Variants in FNDC3B observed in about 807,000 individuals in gnomAD.
FNDC3B encodes the protein fibronectin type III domain containing 3B, also known as fibronectin type III domain-containing protein 3B.
A neutral mutation model predicts 151.5 loss-of-function variants in FNDC3B; 12 were observed. The observed-to-expected ratio is 0.08, with a 90% CI of 0.05 to 0.13. FNDC3B has a LOEUF of 0.13. FNDC3B is among the 10% of genes least tolerant of loss of function. The probability of loss-of-function intolerance (pLI) is 1.00; values close to 1 mark genes in which losing one functional copy is unlikely to be tolerated. For synonymous variants in FNDC3B, 528 were observed against 549.0 expected (o/e 0.96, Z 0.54); for missense variants, 1,214 against 1,505.3 (o/e 0.81, Z 3.20).
intron 1 of FNDC3B, among the ~76,000 whole-genome samples, chr3:172,090,789 C>T (rs1718785045): frequency 6.6e-6 from 1 of 152,014 alleles, no homozygotes; most frequent in African/African-American, 2.4e-5. Flanking sequence ...AATTCCACAC[C>T]CAACCTTGTG....
At chr3:172,381,140 T>A (rs1735415752) in intron 25 of FNDC3B, 47 bp downstream of exon 25, 1 of 1,605,116 alleles carries the variant, frequency 6.2e-7, no homozygotes, top group African/African-American at 1.3e-5. Context: ...TATGGCTGGC[T>A]CCATGCCTCT....
chr3:172,349,544 G>C (rs989623773), intron 21 of FNDC3B, among the ~76,000 whole-genome samples: 1 of 152,212 alleles, frequency 6.6e-6, no homozygotes, highest in Non-Finnish European at 1.5e-5. Context: ...AGCCAAGCTA[G>C]TTAAAAAGAA....
intron 1 of FNDC3B, among the ~76,000 whole-genome samples, chr3:172,093,510 G>A (rs1201321498): frequency 6.6e-6 from 1 of 152,034 alleles, no homozygotes; most frequent in African/African-American, 2.4e-5. Flanking sequence ...CGCCCGCCTT[G>A]GCCTCCCAAA....
chr3:172,062,840 T>G lies in FNDC3B; in HGVS notation c.-29+23069T>G, dbSNP rs566834621. 5.3e-4 allele frequency among the ~76,000 whole-genome samples: 81 copies of G among 152,300 alleles called. 1 individual carries two copies. The highest frequency in any genetic ancestry group is 1.9e-3 in the African/African-American group (80 of 41,570). On this transcript the variant is annotated intron_variant, in intron 1 of 25. Coordinates refer to ENST00000415807, the MANE Select transcript of FNDC3B (RefSeq NM_022763.4). ...AGCCCGTATATCACTGAGAAAAAGT[T>G]AATCTTAAGTGAATAACTTAGGTCA...
At chr3:172,239,783 A>G (rs1034618584) in intron 4 of FNDC3B, among the ~76,000 whole-genome samples, 1 of 149,696 alleles carries the variant, frequency 6.7e-6, no homozygotes, top group African/African-American at 2.4e-5. Context: ...GACAAAAAAA[A>G]AAAAAAAGAA....
At chr3:172,256,785 T>TA (rs1728365280) in intron 6 of FNDC3B, among the ~76,000 whole-genome samples, 2 of 152,078 alleles carry the variant, frequency 1.3e-5, no homozygotes, top group African/African-American at 4.8e-5. Context: ...GAATTTAGAG[T>TA]AAAAAACAAA....
intron 3 of FNDC3B, among the ~76,000 whole-genome samples, chr3:172,194,725 C>T (rs961405268): frequency 6.6e-6 from 1 of 152,168 alleles, no homozygotes; most frequent in Non-Finnish European, 1.5e-5. Flanking sequence ...TACTTAATTT[C>T]AGAGGTGAAT....
intron 15 of FNDC3B, 46 bp downstream of exon 15, chr3:172,335,128 T>A: frequency 6.6e-7 from 1 of 1,509,436 alleles, no homozygotes; most frequent in South Asian, 1.3e-5. Flanking sequence ...TTTTTTCTTT[T>A]GATAGATTTT....
intron 3 of FNDC3B, among the ~76,000 whole-genome samples, chr3:172,225,243 G>A (rs1227896465): frequency 6.6e-6 from 1 of 152,168 alleles, no homozygotes; most frequent in Non-Finnish European, 1.5e-5. Flanking sequence ...GCTTGATCTT[G>A]ACTCACTGCA....
intron 3 of FNDC3B, among the ~76,000 whole-genome samples, chr3:172,207,756 C>T (rs549984498): frequency 5.3e-5 from 8 of 152,076 alleles, no homozygotes; most frequent in African/African-American, 1.4e-4. Flanking sequence ...AAAACCAGCC[C>T]GACCAACATG....
At chr3:172,316,482 G>T (rs1321859524) in intron 11 of FNDC3B, 2 of 450,918 alleles carry the variant, frequency 4.4e-6, no homozygotes, top group Admixed American at 4.8e-5. Context: ...CTGTTTTAAT[G>T]TTCCTAAACA....
intron 1 of FNDC3B, among the ~76,000 whole-genome samples, chr3:172,093,425 A>AT (rs1189171792): frequency 6.6e-6 from 1 of 151,510 alleles, no homozygotes; most frequent in Non-Finnish European, 1.5e-5. Flanking sequence ...CACCCGGCTA[A>AT]TTTTTTGTAT....
At chr3:172,104,401 G>GTT (rs746523404) in intron 1 of FNDC3B, among the ~76,000 whole-genome samples, 23 of 135,332 alleles carry the variant, frequency 1.7e-4, no homozygotes, top group Admixed American at 3.0e-4. Context: ...GTCCACTATA[G>GTT]TTTTTTTTTT....
At chr3:172,250,830 T>A (rs1728024518) in intron 5 of FNDC3B, among the ~76,000 whole-genome samples, 1 of 152,204 alleles carries the variant, frequency 6.6e-6, no homozygotes, top group African/African-American at 2.4e-5. Context: ...TTTCTTTTTC[T>A]TTTTGAGACA....
chr3:172,232,027 C>T (rs1009554203), intron 4 of FNDC3B, among the ~76,000 whole-genome samples: 9 of 151,772 alleles, frequency 5.9e-5, no homozygotes, highest in Admixed American at 4.6e-4. Flanking sequence ...ATTACAGGCG[C>T]GCATCACCAT....
In FNDC3B at chr3:172,397,685, G is replaced by GGA. The variant is rs1736361541; in HGVS notation, c.*210_*211insGA. Reference sequence around the variant, plus strand: ...ACTGGATTTTTTTTTTTAAAAAAAAGAAAAAAAAAGAAGAAAAGTATACCA... The same window carrying GGA: ...ACTGGATTTTTTTTTTTAAAAAAAAGGAAAAAAAAAAGAAGAAAAGTATACCA... On this transcript the variant is annotated 3_prime_UTR_variant, in exon 26 of 26. Transcript: ENST00000415807. The GGA allele has an allele frequency of 3.2e-6, 1 of 313,920 alleles. No individual in the cohort carries two copies. The highest frequency in any genetic ancestry group is 5.7e-6 in the Non-Finnish European group (1 of 175,908). The allele number at this position is 313,920 out of a possible 1,614,324, so 19.4% of individuals were successfully genotyped here.
intron 3 of FNDC3B, among the ~76,000 whole-genome samples, chr3:172,216,661 A>G (rs1428767851): frequency 5.9e-5 from 9 of 152,178 alleles, no homozygotes; most frequent in Non-Finnish European, 1.0e-4. Context: ...TGGCAGAGCG[A>G]GACCCTGTCT....
intron 4 of FNDC3B, among the ~76,000 whole-genome samples, chr3:172,233,071 A>G (rs974749282): frequency 5.3e-5 from 8 of 152,226 alleles, no homozygotes; most frequent in Non-Finnish European, 1.0e-4. Flanking sequence ...TAACCTCACC[A>G]TTAACTTTCT....
At position 172,397,553 on chromosome 3, in the gene FNDC3B, G is replaced by A. The variant is rs776095342; in HGVS notation, c.*78G>A. The A allele has an allele frequency of 5.2e-6, 5 of 962,678 alleles. No homozygotes were observed. In the South Asian group the frequency reaches 5.4e-5, roughly 10 times the overall value. 59.6% of individuals were successfully genotyped at this position (962,678 alleles called of 1,614,324 possible). Reference sequence around the variant, plus strand: ...TTATTCAGATACTCCCCTTTTTAAAGCCCTTTTGTTTTTTGATTTATATAC... The same window carrying A: ...TTATTCAGATACTCCCCTTTTTAAAACCCTTTTGTTTTTTGATTTATATAC... On this transcript the variant is annotated 3_prime_UTR_variant, in exon 26 of 26. Transcript: ENST00000415807.
Sources: gnomAD v4.1 joint callset for allele counts (sites outside exome capture counted in the v4.1 genomes callset) on GRCh38, gnomAD v4.1.1 for gene constraint, MANE v1.5 for transcripts, NCBI Gene and HGNC (gene_info 2026-07-23, HGNC 2026-07-21) for gene names.